RABGAP1L: variants seen among roughly 807,000 people sequenced by gnomAD.
The protein encoded by RABGAP1L is RAB GTPase activating protein 1 like, also known as rab GTPase-activating protein 1-like.
In RABGAP1L, 63 loss-of-function variants were observed where a neutral mutation model predicts 137.7. The ratio of observed to expected loss-of-function variants is 0.46; its 90% confidence interval spans 0.37 to 0.56. The LOEUF (loss-of-function observed/expected upper bound fraction) is 0.56, where lower values mean the gene tolerates loss of function less well. RABGAP1L is among the 20% of genes least tolerant of loss of function. The probability of loss-of-function intolerance (pLI) is 0.00; values close to 1 mark genes in which losing one functional copy is unlikely to be tolerated. For synonymous variants in RABGAP1L, 431 were observed against 433.7 expected (o/e 0.99, Z 0.08); for missense variants, 1,095 against 1,244.0 (o/e 0.88, Z 1.80).
chr1:174,500,045 T>G (rs1304874599), intron 13 of RABGAP1L, among the ~76,000 whole-genome samples: 1 of 151,980 alleles, frequency 6.6e-6, no homozygotes, highest in Non-Finnish European at 1.5e-5. Flanking sequence ...AGTGAAGTGA[T>G]TTACCCAGTA....
At chr1:174,302,320 A>G (rs1164876486) in intron 10 of RABGAP1L, among the ~76,000 whole-genome samples, 1 of 152,196 alleles carries the variant, frequency 6.6e-6, no homozygotes, top group Non-Finnish European at 1.5e-5. Flanking sequence ...AAGAAATAAC[A>G]CTTGTTATTA....
chr1:174,369,655 C>G (rs1435061604), intron 11 of RABGAP1L, among the ~76,000 whole-genome samples: 1 of 152,090 alleles, frequency 6.6e-6, no homozygotes, highest in Non-Finnish European at 1.5e-5. Flanking sequence ...ATTTACATTA[C>G]TTCTATAGTA....
In RABGAP1L at chr1:174,383,661, G is replaced by A. The variant is rs998085824; in HGVS notation, c.1560-10334G>A. Among the ~76,000 whole-genome samples, 12 of 152,230 alleles carry A rather than the reference G, an allele frequency of 7.9e-5. 1 individual carries two copies. Among genetic ancestry groups the A allele is most frequent in the East Asian group, 5.8e-4 (3 of 5,158 alleles). The stretch of plus-strand genomic sequence containing the variant: ...CCCTGCTTCGGCTCGCGCACGGTGC[G>A]CGCACCCACTGGCCTGCACCCACTG... On this transcript the variant is annotated intron_variant, in intron 12 of 25. Transcript: ENST00000681986.
intron 18 of RABGAP1L, among the ~76,000 whole-genome samples, chr1:174,773,872 T>C (rs1419367400): frequency 6.6e-6 from 1 of 152,254 alleles, no homozygotes; most frequent in Non-Finnish European, 1.5e-5. Context: ...GTATGTGAGC[T>C]GATCATAAGG....
intron 13 of RABGAP1L, among the ~76,000 whole-genome samples, chr1:174,481,881 TAA>T (rs1166772879): frequency 1.7e-5 from 1 of 59,744 alleles, no homozygotes; most frequent in African/African-American, 4.9e-5. Context: ...TAATAAAAAA[TAA>T]AAAAAAAAAG....
intron 13 of RABGAP1L, among the ~76,000 whole-genome samples, chr1:174,575,149 C>T (rs1019222225): frequency 2.6e-5 from 4 of 152,134 alleles, no homozygotes; most frequent in Non-Finnish European, 5.9e-5. Flanking sequence ...AGGCTGGTCG[C>T]GAACTCCCGA....
At chr1:174,773,161 G>GA (rs1263887888) in intron 18 of RABGAP1L, among the ~76,000 whole-genome samples, 7 of 60,964 alleles carry the variant, frequency 1.1e-4, no homozygotes, top group Admixed American at 7.9e-4. Context: ...TCTAAGCTAT[G>GA]GGGTGTGTGT....
At chr1:174,238,071 G>A (rs1384643664) in intron 4 of RABGAP1L, among the ~76,000 whole-genome samples, 1 of 151,984 alleles carries the variant, frequency 6.6e-6, no homozygotes, top group East Asian at 1.9e-4. Flanking sequence ...ATCGGCTCCT[G>A]AGGCTTCTGC....
intron 5 of RABGAP1L, among the ~76,000 whole-genome samples, chr1:174,247,614 C>A (rs542048402): frequency 1.9e-4 from 29 of 152,320 alleles, no homozygotes; most frequent in South Asian, 1.9e-3. Flanking sequence ...GCCCTTGCCC[C>A]ACATGTTCCT....
intron 21 of RABGAP1L, among the ~76,000 whole-genome samples, chr1:174,975,083 A>C (rs977202778): frequency 1.3e-5 from 2 of 152,262 alleles, no homozygotes; most frequent in Admixed American, 6.5e-5. Context: ...CTGCATCTGC[A>C]ATGATTTAGC....
chr1:174,674,945 T>C (rs1300685053), intron 14 of RABGAP1L, among the ~76,000 whole-genome samples: 1 of 152,236 alleles, frequency 6.6e-6, no homozygotes, highest in Non-Finnish European at 1.5e-5. Context: ...GTTTGTTTTT[T>C]ACTTGTAAAT....
At chr1:174,655,831 G>A in intron 14 of RABGAP1L, among the ~76,000 whole-genome samples, 1 of 152,132 alleles carries the variant, frequency 6.6e-6, no homozygotes, top group East Asian at 1.9e-4. Flanking sequence ...GCTGGTTTCT[G>A]TGTCCTTTTA....
chr1:174,194,063 A>G (rs1667397971), intron 1 of RABGAP1L, among the ~76,000 whole-genome samples: 1 of 152,120 alleles, frequency 6.6e-6, no homozygotes, highest in African/African-American at 2.4e-5. Context: ...CATGATTCAA[A>G]ACCAGGCATT....
At chr1:174,225,518 AG>A (rs1337473918) in intron 3 of RABGAP1L, among the ~76,000 whole-genome samples, 4 of 138,004 alleles carry the variant, frequency 2.9e-5, no homozygotes, top group Non-Finnish European at 6.1e-5. Flanking sequence ...TTTTTTTTAA[AG>A]CAGACATTCC....
At chr1:174,962,058 C>T (rs1669169378) in intron 20 of RABGAP1L, among the ~76,000 whole-genome samples, 1 of 151,710 alleles carries the variant, frequency 6.6e-6, no homozygotes, top group Non-Finnish European at 1.5e-5. Flanking sequence ...ACCTGTAGTC[C>T]CAGCTACTTG....
chr1:174,223,442 CAAA>C (rs370743713), intron 3 of RABGAP1L, among the ~76,000 whole-genome samples: 1 of 53,350 alleles, frequency 1.9e-5, no homozygotes. Context: ...GACTCCATCT[CAAA>C]AAAAAAAAAA....
intron 24 of RABGAP1L, among the ~76,000 whole-genome samples, chr1:174,987,638 A>G (rs1671709631): frequency 6.6e-6 from 1 of 152,182 alleles, no homozygotes; most frequent in African/African-American, 2.4e-5. Context: ...TGATGGACAC[A>G]TTGAGCTTGT....
At chr1:174,656,014 A>T (rs558441771) in intron 14 of RABGAP1L, among the ~76,000 whole-genome samples, 2 of 152,310 alleles carry the variant, frequency 1.3e-5, no homozygotes, top group South Asian at 4.1e-4. Context: ...ATTGTTATAG[A>T]GTTGTCATTG....
intron 7 of RABGAP1L, among the ~76,000 whole-genome samples, chr1:174,268,202 ATTT>A (rs371429395): frequency 7.3e-6 from 1 of 137,202 alleles, no homozygotes. Context: ...TCACTTTTTC[ATTT>A]TTTTTTTTTT....
Sources: gnomAD v4.1 joint callset for allele counts (sites outside exome capture counted in the v4.1 genomes callset) on GRCh38, gnomAD v4.1.1 for gene constraint, MANE v1.5 for transcripts, NCBI Gene and HGNC (gene_info 2026-07-23, HGNC 2026-07-21) for gene names.